ZNF728: variants seen among roughly 807,000 people sequenced by gnomAD.
The protein encoded by ZNF728 is zinc finger protein 728.
ZNF728 carries 12 observed loss-of-function variants against 12.5 expected under a neutral mutation model. The ratio of observed to expected loss-of-function variants is 0.96; its 90% CI spans 0.61 to 1.55. ZNF728 has a LOEUF of 1.55. Ranked by LOEUF, ZNF728 falls within the 40% of genes most tolerant of loss-of-function variation. ZNF728 has a pLI of 0.00. For synonymous variants in ZNF728, 205 were observed against 240.7 expected, an observed-to-expected ratio of 0.85 and a Z score of 1.37; for missense variants, 692 against 719.2, an observed-to-expected ratio of 0.96 and a Z score of 0.43.
intron 1 of ZNF728, among the ~76,000 whole-genome samples, chr19:22,998,588 C>T (rs1443149201): frequency 6.6e-6 from 1 of 152,076 alleles, no homozygotes; most frequent in Non-Finnish European, 1.5e-5. Flanking sequence ...TTGGGGACTC[C>T]CATAACCTTT....
intron 3 of ZNF728, among the ~76,000 whole-genome samples, chr19:22,979,280 T>G (rs1968837457): frequency 6.6e-6 from 1 of 151,970 alleles, no homozygotes; most frequent in South Asian, 2.1e-4. Flanking sequence ...GAAGATCAAC[T>G]TAATGAAATA....
chr19:22,978,142 A>T (rs1968825391), intron 3 of ZNF728, among the ~76,000 whole-genome samples: 1 of 152,040 alleles, frequency 6.6e-6, no homozygotes, highest in Admixed American at 6.6e-5. Flanking sequence ...TATAACAAAA[A>T]CATATTTATA....
chr19:22,976,463 C>CT lies in ZNF728; in HGVS notation c.873dup (p.Ala292SerfsTer3). 1 of 1,612,872 alleles carries CT rather than the reference C, an allele frequency of 6.2e-7. No individual in the cohort carries two copies. The highest frequency in any genetic ancestry group is 8.5e-7 in the Non-Finnish European group (1 of 1,179,910). On this transcript the variant is annotated frameshift_variant, in exon 4 of 4. Coordinates refer to ENST00000594710, the MANE Select transcript of ZNF728 (RefSeq NM_001267716.2). LOFTEE classifies it low-confidence loss of function (END_TRUNC). The stretch of plus-strand genomic sequence containing the variant: ...GTAAGGGTTGAGGCCTTACTAAAGG[C>CT]TTTGCCACATTCTTCACATTTGTAG...
chr19:22,979,818 T>C (rs1168877626), intron 3 of ZNF728, among the ~76,000 whole-genome samples: 4 of 152,098 alleles, frequency 2.6e-5, no homozygotes, highest in African/African-American at 9.7e-5. Flanking sequence ...TGCTGAGATT[T>C]TGTCACCAGC....
chr19:22,977,039 A>G lies in ZNF728; in HGVS notation c.298T>C (p.Leu100=). Residue 100 remains leucine (L), a synonymous_variant, in exon 4 of 4, where the codon TTG becomes CTG. Transcript: ENST00000594710. The stretch of plus-strand genomic sequence containing the variant: ...TGTCCACATTTTTCATATCTTCTCA[A>G]TATCACTTTTTGGAAAGAATCTTCT... ...GREDSFQKVI[L]RRYEKCGHEN... 1 of 1,613,114 alleles carries G rather than the reference A, an allele frequency of 6.2e-7. No homozygotes were observed.
chr19:22,997,933 T>A (rs1465796239), intron 1 of ZNF728, among the ~76,000 whole-genome samples: 1 of 152,040 alleles, frequency 6.6e-6, no homozygotes, highest in African/African-American at 2.4e-5. Flanking sequence ...AAAATGCTCA[T>A]CACTGATCAT....
chr19:23,001,034 T>C (rs1969108533), intron 1 of ZNF728, among the ~76,000 whole-genome samples: 1 of 151,452 alleles, frequency 6.6e-6, no homozygotes, highest in Non-Finnish European at 1.5e-5. Context: ...AAGTGCTCAA[T>C]AATCATTCTC....
At chr19:22,980,185 C>CA (rs147737278) in intron 3 of ZNF728, among the ~76,000 whole-genome samples, 38,102 of 86,342 alleles carry the variant, frequency 0.44, 6,781 homozygotes, top group African/African-American at 0.59. Context: ...AAATGGAAAG[C>CA]AAAAAAAAAA....
chr19:22,980,424 T>C (rs1179296463), intron 3 of ZNF728, among the ~76,000 whole-genome samples: 1 of 152,144 alleles, frequency 6.6e-6, no homozygotes, highest in Non-Finnish European at 1.5e-5. Flanking sequence ...TCCCACACTA[T>C]AATAGTGGGA....
chr19:22,988,877 C>T (rs535675456), intron 1 of ZNF728, among the ~76,000 whole-genome samples: 219 of 151,808 alleles, frequency 1.4e-3, no homozygotes, highest in Non-Finnish European at 2.2e-3. Context: ...CATGGAGAAA[C>T]CACGTCTGTA....
chr19:22,989,214 A>AT (rs1179838650), intron 1 of ZNF728, among the ~76,000 whole-genome samples: 3 of 132,942 alleles, frequency 2.3e-5, no homozygotes, highest in East Asian at 4.0e-4. Context: ...AATGCAGATT[A>AT]TTATTTTTTT....
intron 3 of ZNF728, among the ~76,000 whole-genome samples, chr19:22,979,084 C>T (rs141194272): frequency 6.6e-6 from 1 of 152,272 alleles, no homozygotes; most frequent in African/African-American, 2.4e-5. Flanking sequence ...GGAGCATGCT[C>T]TAACCCAATG....
At chr19:22,988,928 G>A (rs1417941227) in intron 1 of ZNF728, among the ~76,000 whole-genome samples, 1 of 151,750 alleles carries the variant, frequency 6.6e-6, no homozygotes, top group East Asian at 1.9e-4. Context: ...GTGTGTGCTT[G>A]TAATTCTAGC....
intron 1 of ZNF728, among the ~76,000 whole-genome samples, chr19:23,002,041 C>T (rs1267344742): frequency 3.3e-5 from 5 of 152,186 alleles, no homozygotes; most frequent in Non-Finnish European, 7.3e-5. Context: ...TTCGGCCAGG[C>T]GCGGTGGCTT....
At chr19:23,001,160 A>G (rs558915631) in intron 1 of ZNF728, among the ~76,000 whole-genome samples, 45 of 152,278 alleles carry the variant, frequency 3.0e-4, no homozygotes, top group South Asian at 2.3e-3. Context: ...TTTATTTCAC[A>G]AACCTTTTAC....
intron 3 of ZNF728, among the ~76,000 whole-genome samples, chr19:22,980,598 A>G (rs289312): frequency 0.42 from 64,374 of 151,998 alleles, 16,720 homozygotes; most frequent in African/African-American, 0.75. Flanking sequence ...ACACCACATC[A>G]CACTTATTCT....
At position 22,975,735 on chromosome 19, in the gene ZNF728, T is replaced by G; in HGVS notation, c.1602A>C (p.Lys534Asn). ...TKHKVIHTGE[K>N]QYKCEECGKA... is the part of the protein sequence containing the mutation. ...TGCCACATTCTTCACATTTGTATTG[T>G]TTCTCTCCAGTATGAATTACCTTAT... Residue 534 changes from lysine (K) to asparagine (N), a missense_variant, in exon 4 of 4, where the codon AAA becomes AAC. This residue lies in a region of ZNF728 where 244 missense variants were observed against 235.2 expected (regional missense o/e 1.04). Coordinates refer to ENST00000594710, the MANE Select transcript of ZNF728 (RefSeq NM_001267716.2). 1 of 1,611,810 alleles carries G rather than the reference T, an allele frequency of 6.2e-7. No individual in the cohort carries two copies.
At position 22,975,748 on chromosome 19, in the gene ZNF728, T is replaced by C. The variant is rs1395020667; in HGVS notation, c.1589A>G (p.His530Arg). ...ACATTTGTATTGTTTCTCTCCAGTA[T>C]GAATTACCTTATGTTTAGTAAGGTT... ...VANLTKHKVI[H>R]TGEKQYKCEE... The change falls in exon 4 of 4, where the codon CAT becomes CGT. Residue 530 changes from histidine (H) to arginine (R), a missense_variant. Around this residue, in one of 3 missense-constraint regions of ZNF728, gnomAD observed 244 missense variants for 235.2 expected, o/e 1.04. Transcript: ENST00000594710. The C allele has an allele frequency of 2.1e-5, 34 of 1,611,826 alleles. No homozygotes were observed. Among genetic ancestry groups the C allele is most frequent in the Non-Finnish European group, 2.8e-5 (33 of 1,179,892 alleles).
At chr19:22,984,518 C>A (rs966065185) in intron 3 of ZNF728, among the ~76,000 whole-genome samples, 1 of 145,766 alleles carries the variant, frequency 6.9e-6, no homozygotes, top group African/African-American at 2.6e-5. Context: ...AAGATTGTGC[C>A]GCTACACTCC....
Sources: allele counts gnomAD v4.1 joint callset (sites outside exome capture counted in the v4.1 genomes callset), GRCh38; gene constraint gnomAD v4.1.1; regional missense constraint gnomAD v4.1.1; transcripts MANE v1.5; gene names NCBI Gene and HGNC (gene_info 2026-07-23, HGNC 2026-07-21).